Variants in MYO16 observed in about 807,000 individuals in gnomAD.
MYO16 encodes the protein myosin XVI, also known as unconventional myosin-XVI.
Under a neutral mutation model 205.3 loss-of-function variants are expected in MYO16, and 94 were observed. The observed-to-expected ratio is 0.46, with a 90% CI of 0.39 to 0.54. MYO16 has a LOEUF of 0.54. MYO16 is among the 20% of genes least tolerant of loss of function. The pLI is 0.00. For missense variants in MYO16, 2,315 were observed against 2,387.5 expected (o/e 0.97, Z 0.63); for synonymous variants, 988 against 954.0 (o/e 1.04, Z -0.66).
chr13:108,771,194 C>T (rs1054008548), intron 4 of MYO16, among the ~76,000 whole-genome samples: 2 of 151,944 alleles, frequency 1.3e-5, no homozygotes, highest in African/African-American at 2.4e-5. Context: ...GATATATACA[C>T]GGGGGGAGAG....
chr13:108,642,977 T>C (rs957180759), intron 1 of MYO16, among the ~76,000 whole-genome samples: 2 of 152,162 alleles, frequency 1.3e-5, no homozygotes, highest in African/African-American at 2.4e-5. Flanking sequence ...TCCATTATTG[T>C]TTTGGTCTAT....
chr13:108,806,193 G>A (rs140137005), intron 6 of MYO16, among the ~76,000 whole-genome samples: 1,625 of 152,228 alleles, frequency 0.011, 15 homozygotes, highest in Non-Finnish European at 0.017. Context: ...GCCGGGATTA[G>A]TTAATCCTTT....
intron 12 of MYO16, among the ~76,000 whole-genome samples, chr13:108,877,048 A>G (rs914608131): frequency 8.5e-5 from 13 of 152,158 alleles, no homozygotes; most frequent in African/African-American, 3.1e-4. Context: ...TTGAGACCTA[A>G]TTTATTCTAA....
At chr13:109,194,190 G>T (rs9670657) in intron 34 of MYO16, among the ~76,000 whole-genome samples, 3,811 of 152,218 alleles carry the variant, frequency 0.025, 168 homozygotes, top group African/African-American at 0.085. Flanking sequence ...TGGTCAGATT[G>T]TGTGCATCTG....
chr13:108,616,511 G>A (rs1879355828), intron 1 of MYO16, among the ~76,000 whole-genome samples: 1 of 152,032 alleles, frequency 6.6e-6, no homozygotes, highest in Non-Finnish European at 1.5e-5. Context: ...TGATGACTTG[G>A]GAACTGAACC....
chr13:108,758,329 C>T (rs187274108), intron 4 of MYO16, among the ~76,000 whole-genome samples: 41 of 152,180 alleles, frequency 2.7e-4, no homozygotes, highest in East Asian at 7.7e-4. Flanking sequence ...AGTCAGTAAC[C>T]GGTGCCATGT....
At chr13:108,898,318 A>T (rs1880529527) in intron 15 of MYO16, among the ~76,000 whole-genome samples, 185 bp downstream of exon 15, 1 of 149,796 alleles carries the variant, frequency 6.7e-6, no homozygotes, top group Non-Finnish European at 1.5e-5. Flanking sequence ...TAGAACAAGG[A>T]TCAATACTCA....
intron 23 of MYO16, among the ~76,000 whole-genome samples, chr13:109,021,013 A>G (rs1886005865): frequency 6.6e-6 from 1 of 152,272 alleles, no homozygotes; most frequent in East Asian, 1.9e-4. Context: ...TAGGGAAGGA[A>G]GCAATGCGTG....
intron 33 of MYO16, among the ~76,000 whole-genome samples, chr13:109,166,209 G>GC (rs1467667828): frequency 6.6e-6 from 1 of 152,092 alleles, no homozygotes. Flanking sequence ...TGTTTACTCA[G>GC]CCCCCCACGA....
intron 14 of MYO16, among the ~76,000 whole-genome samples, chr13:108,895,049 G>C (rs577313336): frequency 6.6e-6 from 1 of 152,262 alleles, no homozygotes; most frequent in South Asian, 2.1e-4. Context: ...AGCTTTCAGA[G>C]AGCAGACTGA....
intron 4 of MYO16, among the ~76,000 whole-genome samples, chr13:108,750,764 G>T (rs182125426): frequency 5.8e-4 from 89 of 152,164 alleles, no homozygotes; most frequent in African/African-American, 2.1e-3. Context: ...CTGAGATCAT[G>T]CCACTGCACT....
chr13:109,136,823 T>TTTTTTG (rs3042872), intron 31 of MYO16, among the ~76,000 whole-genome samples: 16,677 of 152,076 alleles, frequency 0.11, 1,147 homozygotes, highest in African/African-American at 0.18. Flanking sequence ...AGTTTAAGGT[T>TTTTTTG]TTTTTGTTTT....
At chr13:109,200,203 C>A (rs1019515336) in intron 34 of MYO16, among the ~76,000 whole-genome samples, 9 of 152,118 alleles carry the variant, frequency 5.9e-5, no homozygotes, top group Non-Finnish European at 1.2e-4. Context: ...AGAATTATAA[C>A]CTTCATTATA....
the MYO16 span, among the ~76,000 whole-genome samples, chr13:108,510,472 T>TTTTTG: frequency 1.5e-5 from 2 of 131,504 alleles, no homozygotes; most frequent in African/African-American, 5.9e-5. Flanking sequence ...TTTTTTTTTT[T>TTTTTG]TTTTTTTTTT....
intron 20 of MYO16, among the ~76,000 whole-genome samples, chr13:108,971,005 A>G (rs1883987796): frequency 6.6e-6 from 1 of 152,208 alleles, no homozygotes; most frequent in Admixed American, 6.5e-5. Flanking sequence ...GATATCATCC[A>G]TAGGATTCTG....
chr13:109,120,928 T>C (rs958409609), intron 29 of MYO16, among the ~76,000 whole-genome samples: 1 of 152,060 alleles, frequency 6.6e-6, no homozygotes, highest in Non-Finnish European at 1.5e-5. Flanking sequence ...GACGCAACAA[T>C]AGTCCCAGCT....
intron 20 of MYO16, among the ~76,000 whole-genome samples, chr13:108,987,758 A>G (rs760557797): frequency 1.3e-5 from 2 of 152,208 alleles, no homozygotes; most frequent in Non-Finnish European, 2.9e-5. Context: ...GACTACTTGG[A>G]GAACTCTCTA....
At position 109,122,455 on chromosome 13, in the gene MYO16, G is replaced by C. The variant is rs528787670; in HGVS notation, c.3535+1989G>C. On this transcript the variant is annotated intron_variant, in intron 29 of 34. Transcript: ENST00000457511. ...GCACTTTGGGAGGCCGAGGCAGGCG[G>C]ATCACCTGTGGTTAGGAGTTTGAGA... Among the ~76,000 whole-genome samples, 26 of 152,268 alleles carry C rather than the reference G, an allele frequency of 1.7e-4. No homozygotes were observed. In the South Asian group the frequency reaches 4.8e-3, roughly 28 times the overall value.
At chr13:108,769,746 C>T (rs1375613920) in intron 4 of MYO16, among the ~76,000 whole-genome samples, 2 of 151,980 alleles carry the variant, frequency 1.3e-5, no homozygotes, top group East Asian at 1.9e-4. Context: ...CCAAACTCGC[C>T]GATTGATTTG....
Sources: allele counts gnomAD v4.1 joint callset (sites outside exome capture counted in the v4.1 genomes callset), GRCh38; gene constraint gnomAD v4.1.1; transcripts MANE v1.5; gene names NCBI Gene and HGNC (gene_info 2026-07-23, HGNC 2026-07-21).